Variants in USP37 observed in about 807,000 individuals in gnomAD.
USP37 encodes ubiquitin carboxyl-terminal hydrolase 37.
A neutral mutation model predicts 124.0 loss-of-function variants in USP37; 27 were observed. That is an observed-to-expected ratio of 0.22 (90% CI 0.16 to 0.30). The LOEUF is 0.30. Among genes scored for constraint, USP37 ranks in the 10% least tolerant of loss-of-function variants. USP37 has a pLI of 1.00. For synonymous variants in USP37, 365 were observed against 388.0 expected, an observed-to-expected ratio of 0.94 and a Z score of 0.70; for missense variants, 889 against 1,140.4, an observed-to-expected ratio of 0.78 and a Z score of 3.17.
chr2:218,499,534 T>C (rs1294470197), intron 11 of USP37, among the ~76,000 whole-genome samples: 1 of 152,202 alleles, frequency 6.6e-6, no homozygotes, highest in Non-Finnish European at 1.5e-5. Flanking sequence ...AGTACAATTA[T>C]CAGCATCAGT....
At chr2:218,529,899 T>C in intron 10 of USP37, 57 bp downstream of exon 10, 2 of 1,354,616 alleles carry the variant, frequency 1.5e-6, no homozygotes, top group East Asian at 2.3e-5. Context: ...AATCATTCAA[T>C]ATTCTGAAAA....
At position 218,471,184 on chromosome 2, in the gene USP37, T is replaced by C. The variant is rs550175367; in HGVS notation, c.2299+3446A>G. Among the ~76,000 whole-genome samples, 3 of 152,174 alleles carry C rather than the reference T, an allele frequency of 2.0e-5. No homozygotes were observed. The East Asian group carries it at 5.8e-4, about 29-fold the overall frequency. On this transcript the variant is annotated intron_variant, in intron 20 of 25. Coordinates refer to ENST00000258399, the MANE Select transcript of USP37 (RefSeq NM_020935.3). ...GTGCAGGTATGGAAAAAGTAGCTAG[T>C]TGAGTTGGGAGTTGGGGTTTTGTCA...
At position 218,457,138 on chromosome 2, in the gene USP37, G is replaced by A. The variant is rs1240469578; in HGVS notation, c.2667C>T (p.Tyr889=). 2 of 1,613,862 alleles carry A rather than the reference G, an allele frequency of 1.2e-6. No homozygotes were observed. Among genetic ancestry groups the A allele is most frequent in the Admixed American group, 3.3e-5 (2 of 59,976 alleles). Reference sequence around the variant, plus strand: ...TGTGACTGACAACACTGATGAGCCGGTACGAATGAGGCAGATTTCCTGTCT... The same window carrying A: ...TGTGACTGACAACACTGATGAGCCGATACGAATGAGGCAGATTTCCTGTCT... ...NAETGNLPHS[Y]RLISVVSHIG... is the part of the protein sequence containing the mutation. The change falls in exon 24 of 26, where the codon TAC becomes TAT. Residue 889 remains tyrosine (Y), a synonymous_variant. Coordinates refer to ENST00000258399, the MANE Select transcript of USP37 (RefSeq NM_020935.3).
intron 23 of USP37, among the ~76,000 whole-genome samples, chr2:218,458,443 A>G (rs1012365044): frequency 2.0e-5 from 3 of 151,690 alleles, no homozygotes; most frequent in Admixed American, 6.6e-5. Context: ...ATAGTGGCTC[A>G]TGCCTGCAAT....
intron 16 of USP37, among the ~76,000 whole-genome samples, chr2:218,482,878 T>A (rs1412672605): frequency 1.3e-5 from 2 of 152,146 alleles, no homozygotes; most frequent in Non-Finnish European, 2.9e-5. Context: ...CCTTTTCACT[T>A]CTCACACAGA....
intron 1 of USP37, 149 bp downstream of exon 1, chr2:218,568,029 G>A (rs1559237994): frequency 6.6e-6 from 1 of 152,448 alleles, no homozygotes; most frequent in Non-Finnish European, 1.5e-5. Context: ...TAGTACCTGT[G>A]AGGCTGGGGG....
At chr2:218,483,608 GA>G (rs1366522164) in intron 16 of USP37, among the ~76,000 whole-genome samples, 3 of 140,346 alleles carry the variant, frequency 2.1e-5, no homozygotes, top group South Asian at 2.3e-4. Flanking sequence ...AAAAAAAAAA[GA>G]AAAAAAAGAA....
chr2:218,483,595 A>C (rs1349560197), intron 16 of USP37, among the ~76,000 whole-genome samples: 5 of 147,796 alleles, frequency 3.4e-5, no homozygotes, highest in Non-Finnish European at 7.5e-5. Flanking sequence ...TCTACCAGGA[A>C]AAAAAAAAAA....
intron 10 of USP37, among the ~76,000 whole-genome samples, chr2:218,523,224 C>G (rs959511193): frequency 2.6e-5 from 4 of 151,930 alleles, no homozygotes; most frequent in Non-Finnish European, 4.4e-5. Flanking sequence ...GATTGTGCCA[C>G]TGCACTCTAG....
chr2:218,543,576 C>A (rs767094057), intron 8 of USP37, among the ~76,000 whole-genome samples: 1 of 148,086 alleles, frequency 6.8e-6, no homozygotes, highest in Non-Finnish European at 1.5e-5. Context: ...ACTTTGGGAG[C>A]CTGAGGCAGA....
intron 10 of USP37, among the ~76,000 whole-genome samples, chr2:218,513,511 C>T (rs1162538914): frequency 6.6e-6 from 1 of 152,058 alleles, no homozygotes; most frequent in African/African-American, 2.4e-5. Context: ...TCTATTACTC[C>T]CAAAAGTATC....
intron 11 of USP37, among the ~76,000 whole-genome samples, chr2:218,507,377 C>T (rs1023619004): frequency 2.0e-5 from 3 of 150,012 alleles, no homozygotes; most frequent in Non-Finnish European, 4.4e-5. Flanking sequence ...AGGCTAGTCT[C>T]GAACTCTTGA....
At chr2:218,543,089 G>A (rs1292857662) in intron 8 of USP37, among the ~76,000 whole-genome samples, 2 of 152,190 alleles carry the variant, frequency 1.3e-5, no homozygotes, top group African/African-American at 4.8e-5. Flanking sequence ...TAGCTCTACA[G>A]TAAAAGATTA....
At chr2:218,477,221 T>C (rs1691029057) in intron 18 of USP37, among the ~76,000 whole-genome samples, 1 of 152,226 alleles carries the variant, frequency 6.6e-6, no homozygotes, top group Non-Finnish European at 1.5e-5. Flanking sequence ...ATGTTGTGCC[T>C]TTTTTCTTTT....
At chr2:218,499,490 T>C (rs1388478002) in intron 11 of USP37, among the ~76,000 whole-genome samples, 1 of 152,228 alleles carries the variant, frequency 6.6e-6, no homozygotes, top group African/African-American at 2.4e-5. Flanking sequence ...TACTTTAGTG[T>C]ATATTTCATA....
At chr2:218,473,154 T>C (rs1690785950) in intron 20 of USP37, 1 of 152,244 alleles carries the variant, frequency 6.6e-6, no homozygotes, top group Admixed American at 6.5e-5. Context: ...TGTAGCTCCC[T>C]TGAAGTGCAT....
In USP37 at chr2:218,498,360, T is replaced by C. The variant is rs77088257; in HGVS notation, c.1026-203A>G. 1,198 of 386,014 alleles carry C rather than the reference T, an allele frequency of 3.1e-3. 16 individuals are homozygous for C. The highest frequency in any genetic ancestry group is 0.022 in the African/African-American group (1,045 of 47,332). 23.9% of individuals were successfully genotyped at this position (386,014 alleles called of 1,614,324 possible). A position where few individuals can be genotyped will look rare whatever the true frequency, so the allele number is the denominator to read the frequency against. On this transcript the variant is annotated intron_variant, in intron 11 of 25. Transcript: ENST00000258399. The stretch of plus-strand genomic sequence containing the variant: ...AAAAAAGAAGGCACAAAAATGTCCA[T>C]TTCTAACAAGTTACTAGATCACGTT...
At chr2:218,521,058 C>T (rs1690584802) in intron 10 of USP37, among the ~76,000 whole-genome samples, 2 of 152,018 alleles carry the variant, frequency 1.3e-5, no homozygotes, top group Non-Finnish European at 2.9e-5. Context: ...TGGTACCTCC[C>T]CCTTCTCACT....
intron 11 of USP37, among the ~76,000 whole-genome samples, chr2:218,508,947 G>C (rs1014609478): frequency 1.3e-5 from 2 of 152,144 alleles, no homozygotes; most frequent in Non-Finnish European, 2.9e-5. Context: ...AAGTTAATAG[G>C]TTATGAGAGA....
Sources: gnomAD v4.1 joint callset for allele counts (sites outside exome capture counted in the v4.1 genomes callset) on GRCh38, gnomAD v4.1.1 for gene constraint, MANE v1.5 for transcripts, NCBI Gene and HGNC (gene_info 2026-07-23, HGNC 2026-07-21) for gene names.